The following KAT2B variants were observed in gnomAD, a reference collection of about 807,000 sequenced individuals.
KAT2B encodes the protein lysine acetyltransferase 2B.
Under a neutral mutation model 105.9 loss-of-function variants are expected in KAT2B, and 36 were observed. The ratio of observed to expected loss-of-function variants is 0.34; its 90% CI spans 0.26 to 0.45. KAT2B has a LOEUF of 0.45. KAT2B is among the 20% of genes least tolerant of loss of function. KAT2B has a pLI of 1.00. For synonymous variants in KAT2B, 397 were observed against 377.9 expected, an observed-to-expected ratio of 1.05 and a Z score of -0.59; for missense variants, 820 against 1,021.6, an observed-to-expected ratio of 0.80 and a Z score of 2.69.
chr3:20,100,118 C>T (rs1169101675), intron 4 of KAT2B, among the ~76,000 whole-genome samples, 164 bp downstream of exon 4: 2 of 152,100 alleles, frequency 1.3e-5, no homozygotes, highest in Non-Finnish European at 2.9e-5. Context: ...GAGGTGTATA[C>T]CTAATTTAAT....
chr3:20,087,080 G>A (rs565712689), intron 2 of KAT2B, among the ~76,000 whole-genome samples: 13 of 152,218 alleles, frequency 8.5e-5, no homozygotes, highest in African/African-American at 2.9e-4. Flanking sequence ...GCGCCTGGCT[G>A]AGATTTTTTA....
rs1213982240 is a variant in KAT2B at position 20,127,555 on chromosome 3, G to C, written c.1749+6G>C. The C allele has an allele frequency of 1.2e-6, 2 of 1,613,434 alleles. No homozygotes were observed. The highest frequency in any genetic ancestry group is 3.3e-5 in the Admixed American group (2 of 59,954). The stretch of plus-strand genomic sequence containing the variant: ...CCTCAAATGAGCAAGTCAAGGTAAG[G>C]GTAAACCCAAGGTCTTAGAAGAAGA... On this transcript the variant is annotated splice_donor_region_variant and intron_variant, in intron 11 of 17. Coordinates refer to ENST00000263754, the MANE Select transcript of KAT2B (RefSeq NM_003884.5).
chr3:20,106,734 GATA>G (rs1433934769), intron 5 of KAT2B, among the ~76,000 whole-genome samples: 2 of 151,484 alleles, frequency 1.3e-5, no homozygotes, highest in Admixed American at 1.3e-4. Context: ...AGGATTTTAT[GATA>G]ATATTTATAA....
intron 2 of KAT2B, among the ~76,000 whole-genome samples, chr3:20,079,958 C>T (rs1005315568): frequency 6.6e-6 from 1 of 152,204 alleles, no homozygotes; most frequent in African/African-American, 2.4e-5. Flanking sequence ...TTATGTCTCC[C>T]TGACGTCCTC....
At chr3:20,146,635 T>C in intron 14 of KAT2B, 1 of 416,212 alleles carries the variant, frequency 2.4e-6, no homozygotes. Flanking sequence ...GGAGCTTAGA[T>C]GCCCCCTTGT....
chr3:20,055,146 A>G (rs144602442), intron 1 of KAT2B, among the ~76,000 whole-genome samples: 4 of 152,178 alleles, frequency 2.6e-5, no homozygotes, highest in African/African-American at 9.6e-5. Flanking sequence ...AGTTTAGAAC[A>G]TGGACCTGGG....
intron 11 of KAT2B, among the ~76,000 whole-genome samples, chr3:20,131,789 C>T (rs1284082217): frequency 6.6e-6 from 1 of 152,066 alleles, no homozygotes; most frequent in Non-Finnish European, 1.5e-5. Flanking sequence ...GTCTTGAACT[C>T]CTGGTCTCAA....
At chr3:20,103,823 G>A (rs921443134) in intron 5 of KAT2B, among the ~76,000 whole-genome samples, 1 of 152,204 alleles carries the variant, frequency 6.6e-6, no homozygotes, top group African/African-American at 2.4e-5. Context: ...GTTTGGATGA[G>A]TGCTGGGTTT....
intron 1 of KAT2B, among the ~76,000 whole-genome samples, chr3:20,068,238 C>T (rs1002696955): frequency 7.3e-5 from 11 of 151,180 alleles, no homozygotes; most frequent in South Asian, 2.1e-4. Context: ...TCAGGTGATC[C>T]GCCTGCCTCG....
At chr3:20,131,614 C>T (rs1699512331) in intron 11 of KAT2B, among the ~76,000 whole-genome samples, 1 of 152,190 alleles carries the variant, frequency 6.6e-6, no homozygotes, top group African/African-American at 2.4e-5. Flanking sequence ...GTTGCCCAGG[C>T]TGGAGTGCAG....
intron 9 of KAT2B, among the ~76,000 whole-genome samples, chr3:20,123,308 C>G (rs1394964839): frequency 6.6e-6 from 1 of 152,146 alleles, no homozygotes; most frequent in Non-Finnish European, 1.5e-5. Context: ...CATAAGGAAG[C>G]TATTCTCTTA....
At chr3:20,133,796 A>T (rs1485619063) in intron 11 of KAT2B, among the ~76,000 whole-genome samples, 1 of 152,184 alleles carries the variant, frequency 6.6e-6, no homozygotes, top group East Asian at 1.9e-4. Flanking sequence ...GGCACTGGGT[A>T]CATAAACTGT....
chr3:20,079,997 T>G (rs1698491807), intron 2 of KAT2B, among the ~76,000 whole-genome samples: 2 of 152,208 alleles, frequency 1.3e-5, no homozygotes, highest in Admixed American at 1.3e-4. Context: ...TGATACTCCC[T>G]TCAAGTTCCT....
chr3:20,072,524 T>C lies in KAT2B; in HGVS notation c.430+65T>C, dbSNP rs1167050389. The C allele has an allele frequency of 1.8e-5, 27 of 1,512,450 alleles. No homozygotes were observed. The East Asian group carries it at 5.9e-4, about 33-fold the overall frequency. The allele number at this position is 1,512,450 out of a possible 1,614,324, so 93.7% of individuals were successfully genotyped here. A position where few individuals can be genotyped will look rare whatever the true frequency, so the allele number is the denominator to read the frequency against. ...TTGTAGCGTGAGACTCTTAACTTACTGAATTCTGTGGGTTCACCAAATTTG... is the reference window on the plus strand; with the variant it reads ...TTGTAGCGTGAGACTCTTAACTTACCGAATTCTGTGGGTTCACCAAATTTG... On this transcript the variant is annotated intron_variant, in intron 2 of 17. Transcript: ENST00000263754.
chr3:20,047,056 T>C (rs1697823689), intron 1 of KAT2B, among the ~76,000 whole-genome samples: 1 of 151,302 alleles, frequency 6.6e-6, no homozygotes, highest in South Asian at 2.1e-4. Flanking sequence ...AGAAAAAACA[T>C]CAATGGTTTT....
intron 1 of KAT2B, among the ~76,000 whole-genome samples, chr3:20,041,103 C>T (rs1390708393): frequency 6.6e-6 from 1 of 152,074 alleles, no homozygotes; most frequent in Non-Finnish European, 1.5e-5. Flanking sequence ...AGTCACTTTC[C>T]CGGGAGTGGA....
chr3:20,151,113 G>A (rs748071127), intron 17 of KAT2B, among the ~76,000 whole-genome samples: 6 of 152,116 alleles, frequency 3.9e-5, no homozygotes, highest in Non-Finnish European at 8.8e-5. Context: ...GTGTTTCTTA[G>A]CGCTTTTAGA....
At chr3:20,141,518 A>G (rs7640134) in intron 13 of KAT2B, among the ~76,000 whole-genome samples, 27,805 of 152,042 alleles carry the variant, frequency 0.18, 2,780 homozygotes, top group East Asian at 0.32. Flanking sequence ...TCCCACGTCA[A>G]TTCCACTTGA....
intron 5 of KAT2B, among the ~76,000 whole-genome samples, chr3:20,102,262 A>C (rs151085224): frequency 0.02 from 3,096 of 152,212 alleles, 50 homozygotes; most frequent in Non-Finnish European, 0.031. Context: ...TTTGCAGTGA[A>C]CTGAGATCGT....
Sources: allele counts gnomAD v4.1 joint callset (sites outside exome capture counted in the v4.1 genomes callset), GRCh38; gene constraint gnomAD v4.1.1; transcripts MANE v1.5; gene names NCBI Gene and HGNC (gene_info 2026-07-23, HGNC 2026-07-21).